HTRA1: variants seen among roughly 807,000 people sequenced by gnomAD.
HTRA1 encodes HtrA serine peptidase 1.
HTRA1 carries 26 observed loss-of-function variants against 49.7 expected under a neutral mutation model. The ratio of observed to expected loss-of-function variants is 0.52; its 90% CI spans 0.38 to 0.73. The LOEUF (loss-of-function observed/expected upper bound fraction) is 0.73. Ranked by LOEUF, HTRA1 falls within the 30% of genes least tolerant of loss-of-function variation. The pLI, the probability that HTRA1 is intolerant of heterozygous loss-of-function variation, is 0.00. For synonymous variants in HTRA1, 291 were observed against 286.9 expected (o/e 1.01, Z -0.14); for missense variants, 561 against 667.2 (o/e 0.84, Z 1.75).
At chr10:122,509,705 G>A (rs2097504742) in intron 6 of HTRA1, among the ~76,000 whole-genome samples, 1 of 152,220 alleles carries the variant, frequency 6.6e-6, no homozygotes, top group Non-Finnish European at 1.5e-5. Flanking sequence ...GGGGTTGCTG[G>A]AAGTTGGGGA....
At chr10:122,507,023 G>A in intron 4 of HTRA1, 138 bp downstream of exon 4, 3 of 813,690 alleles carry the variant, frequency 3.7e-6, no homozygotes, top group Non-Finnish European at 6.1e-6. Flanking sequence ...GTGGATTCTA[G>A]TGCCAGCAGC....
chr10:122,490,828 T>G lies in HTRA1; in HGVS notation c.777+1202T>G, dbSNP rs868152235. On this transcript the variant is annotated intron_variant, in intron 3 of 8. Coordinates refer to ENST00000368984, the MANE Select transcript of HTRA1 (RefSeq NM_002775.5). This position sits in a 1 kb window ranked among gnomAD's most constrained non-coding sequence, Gnocchi z 4.2. ...ATTCCGGGTCTCCTTCTCCGTCTTT[T>G]TATAACATCAAGTTGCTGCCCAGCT... Among the ~76,000 whole-genome samples, 5 of 152,320 alleles carry G rather than the reference T, an allele frequency of 3.3e-5. No individual in the cohort carries two copies. Among genetic ancestry groups the G allele is most frequent in the Middle Eastern group, 6.8e-3 (2 of 294 alleles).
rs1455786770 is a variant in HTRA1 at position 122,514,172 on chromosome 10, G to A, written c.1275-19G>A. 23 of 1,612,712 alleles carry A rather than the reference G, an allele frequency of 1.4e-5. No individual in the cohort carries two copies. Among genetic ancestry groups the A allele is most frequent in the Non-Finnish European group, 1.9e-5 (22 of 1,179,280 alleles). On this transcript the variant is annotated intron_variant, in intron 8 of 8. Coordinates refer to ENST00000368984, the MANE Select transcript of HTRA1 (RefSeq NM_002775.5). Reference sequence around the variant, plus strand: ...TGGAAACACGAAACATTGCCATTGTGTTTCCCTTTGTGTTGCAGTGGTGGT... The same window carrying A: ...TGGAAACACGAAACATTGCCATTGTATTTCCCTTTGTGTTGCAGTGGTGGT...
At chr10:122,512,254 T>C (rs1307523967) in intron 8 of HTRA1, among the ~76,000 whole-genome samples, 189 bp downstream of exon 8, 1 of 152,112 alleles carries the variant, frequency 6.6e-6, no homozygotes, top group Non-Finnish European at 1.5e-5. Context: ...GACTCATCCA[T>C]AGGAGGGTGC....
chr10:122,466,965 G>C (rs2097484025), intron 1 of HTRA1, among the ~76,000 whole-genome samples: 1 of 152,202 alleles, frequency 6.6e-6, no homozygotes, highest in Admixed American at 6.5e-5. Flanking sequence ...CAAAAACCAA[G>C]TGTTTGAGTT....
In HTRA1 at chr10:122,461,607, G is replaced by T. The variant is rs1262451386; in HGVS notation, c.-46G>T. On this transcript the variant is annotated 5_prime_UTR_variant, in exon 1 of 9. Coordinates refer to ENST00000368984, the MANE Select transcript of HTRA1 (RefSeq NM_002775.5). Reference sequence around the variant, plus strand: ...TGCACTCTCCCCGGCGCCGCTCTCCGGCCCTCGCCCTGTCCGCCGCCACCG... The same window carrying T: ...TGCACTCTCCCCGGCGCCGCTCTCCTGCCCTCGCCCTGTCCGCCGCCACCG... 1 of 1,207,834 alleles carries T rather than the reference G, an allele frequency of 8.3e-7. No homozygotes were observed. Among genetic ancestry groups the T allele is most frequent in the Non-Finnish European group, 1.1e-6 (1 of 928,550 alleles). 74.8% of individuals were successfully genotyped at this position (1,207,834 alleles called of 1,614,324 possible). A position where few individuals can be genotyped will look rare whatever the true frequency, so the allele number is the denominator to read the frequency against.
At chr10:122,462,205 T>TG in intron 1 of HTRA1, 81 bp downstream of exon 1, 1 of 1,231,852 alleles carries the variant, frequency 8.1e-7, no homozygotes, top group South Asian at 1.3e-5. Context: ...GTGGGCAGGT[T>TG]GAGGGGCAGC....
At chr10:122,489,230 G>A (rs928918535) in intron 2 of HTRA1, among the ~76,000 whole-genome samples, 192 bp from the exon 3 acceptor site, 1 of 152,188 alleles carries the variant, frequency 6.6e-6, no homozygotes, top group Admixed American at 6.5e-5. Flanking sequence ...GATTCTCTAA[G>A]AATATTTTGT....
At chr10:122,467,701 A>G (rs542766126) in intron 1 of HTRA1, among the ~76,000 whole-genome samples, 1 of 152,168 alleles carries the variant, frequency 6.6e-6, no homozygotes, top group East Asian at 1.9e-4. Context: ...CTGGGGCTCC[A>G]AGGCCTTTGG....
intron 3 of HTRA1, among the ~76,000 whole-genome samples, chr10:122,504,478 C>T (rs1456116673): frequency 6.6e-6 from 1 of 152,160 alleles, no homozygotes; most frequent in Non-Finnish European, 1.5e-5. Context: ...CTGCTGGGCC[C>T]CCTTCCTGAG....
At chr10:122,505,152 A>G (rs2097502522) in intron 3 of HTRA1, among the ~76,000 whole-genome samples, 1 of 152,080 alleles carries the variant, frequency 6.6e-6, no homozygotes, top group African/African-American at 2.4e-5. Flanking sequence ...CGTTAGTCCC[A>G]TTTTCCAGAT....
At chr10:122,488,588 C>T (rs568992015) in intron 1 of HTRA1, among the ~76,000 whole-genome samples, 22 of 152,196 alleles carry the variant, frequency 1.4e-4, no homozygotes, top group Admixed American at 4.6e-4. Flanking sequence ...AAACAAAAAA[C>T]AAACTTGGGC....
At chr10:122,508,886 T>C in intron 6 of HTRA1, 116 bp downstream of exon 6, 2 of 714,820 alleles carry the variant, frequency 2.8e-6, no homozygotes, top group South Asian at 2.9e-5. Context: ...AAGCCGTCTC[T>C]GATCCAGAAG....
chr10:122,503,922 A>T (rs2097501966), intron 3 of HTRA1, among the ~76,000 whole-genome samples: 1 of 152,208 alleles, frequency 6.6e-6, no homozygotes, highest in Non-Finnish European at 1.5e-5. Flanking sequence ...CTAAATGGCT[A>T]CTTACGTAGC....
chr10:122,477,102 G>A (rs2097488867), intron 1 of HTRA1, among the ~76,000 whole-genome samples: 2 of 151,780 alleles, frequency 1.3e-5, no homozygotes, highest in South Asian at 4.2e-4. Context: ...CGAGTAGCTG[G>A]GACCACAGGT....
chr10:122,493,503 G>T lies in HTRA1; in HGVS notation c.777+3877G>T, dbSNP rs143972811. Among the ~76,000 whole-genome samples the T allele has an allele frequency of 3.4e-3, 514 of 151,718 alleles. 1 individual carries two copies. The highest frequency in any genetic ancestry group is 0.016 in the East Asian group (81 of 5,168). On this transcript the variant is annotated intron_variant, in intron 3 of 8. Transcript: ENST00000368984. ...AATGGTGGCATTTTGTCCCTGCGGGGTTTTTTTTTCCTGAGCAGTTTGGGG... is the reference window on the plus strand; with the variant it reads ...AATGGTGGCATTTTGTCCCTGCGGGTTTTTTTTTTCCTGAGCAGTTTGGGG...
chr10:122,488,142 C>T (rs1161209248), intron 1 of HTRA1, among the ~76,000 whole-genome samples: 7 of 152,226 alleles, frequency 4.6e-5, no homozygotes, highest in Middle Eastern at 3.4e-3. Context: ...CAGATGTACC[C>T]GTCTGGTGGG....
At chr10:122,486,851 T>A (rs937280413) in intron 1 of HTRA1, among the ~76,000 whole-genome samples, 4 of 152,064 alleles carry the variant, frequency 2.6e-5, no homozygotes, top group African/African-American at 9.7e-5. Flanking sequence ...TGGAAGTGTG[T>A]ATAGGTGTTT....
At chr10:122,501,364 G>A (rs992145386) in intron 3 of HTRA1, among the ~76,000 whole-genome samples, 8 of 152,206 alleles carry the variant, frequency 5.3e-5, no homozygotes, top group Non-Finnish European at 2.9e-5. Context: ...GCTCCACCCT[G>A]CCAAACAAAC....
Sources: gnomAD v4.1 joint callset for allele counts (sites outside exome capture counted in the v4.1 genomes callset) on GRCh38, gnomAD v4.1.1 for gene constraint, Gnocchi (gnomAD v3.1) non-coding constraint, MANE v1.5 for transcripts, NCBI Gene and HGNC (gene_info 2026-07-23, HGNC 2026-07-21) for gene names.